The following SAMD5 variants were observed in gnomAD, a reference collection of about 807,000 sequenced individuals.
SAMD5 encodes sterile alpha motif domain containing 5.
Under a neutral mutation model 11.3 loss-of-function variants are expected in SAMD5, and 13 were observed. The observed-to-expected ratio is 1.15, with a 90% CI of 0.75 to 1.83. The LOEUF (loss-of-function observed/expected upper bound fraction) is 1.83. SAMD5 is among the 40% of genes most tolerant of loss of function. SAMD5 has a pLI of 0.00. For synonymous variants in SAMD5, 129 were observed against 111.3 expected (o/e 1.16, Z -1.00); for missense variants, 255 against 239.1 (o/e 1.07, Z -0.44).
At chr6:147,648,139 A>G (rs1790432139) in intron 1 of SAMD5, among the ~76,000 whole-genome samples, 1 of 152,220 alleles carries the variant, frequency 6.6e-6, no homozygotes, top group Non-Finnish European at 1.5e-5. Context: ...ACTGCTATAA[A>G]GACCTCCTGA....
intron 1 of SAMD5, among the ~76,000 whole-genome samples, chr6:147,710,549 G>A (rs749049822): frequency 1.4e-4 from 21 of 152,096 alleles, no homozygotes; most frequent in African/African-American, 3.9e-4. Context: ...ACTCCGTTAC[G>A]GTTATCAGAT....
At chr6:147,936,369 G>A in the SAMD5 span, among the ~76,000 whole-genome samples, 1 of 151,914 alleles carries the variant, frequency 6.6e-6, no homozygotes, top group African/African-American at 2.4e-5. Context: ...GGAGGCCTCA[G>A]GAAGCTTACA....
At chr6:147,632,185 C>T (rs1014301301) in intron 1 of SAMD5, among the ~76,000 whole-genome samples, 1 of 152,104 alleles carries the variant, frequency 6.6e-6, no homozygotes, top group Non-Finnish European at 1.5e-5. Context: ...GGATCTGATG[C>T]CTTTTGATGG....
the SAMD5 span, among the ~76,000 whole-genome samples, chr6:147,894,375 G>A: frequency 0.16 from 24,879 of 151,934 alleles, 2,552 homozygotes; most frequent in Non-Finnish European, 0.23. Flanking sequence ...GCCTGCATCG[G>A]CCTCCCAAAG....
the SAMD5 span, among the ~76,000 whole-genome samples, chr6:147,794,814 A>G: frequency 6.6e-6 from 1 of 152,024 alleles, no homozygotes; most frequent in Non-Finnish European, 1.5e-5. Flanking sequence ...CCCTTTTAAC[A>G]GGTCATTATA....
the SAMD5 span, among the ~76,000 whole-genome samples, chr6:147,919,138 C>T: frequency 6.6e-6 from 1 of 152,120 alleles, no homozygotes; most frequent in African/African-American, 2.4e-5. Context: ...GTAGTTTACA[C>T]GCTTGTCACT....
At chr6:147,742,984 GT>G in the SAMD5 span, among the ~76,000 whole-genome samples, 2 of 152,126 alleles carry the variant, frequency 1.3e-5, no homozygotes, top group African/African-American at 4.8e-5. Flanking sequence ...GAAGGTGATT[GT>G]TCTCTAAATT....
At chr6:147,822,075 G>A in the SAMD5 span, among the ~76,000 whole-genome samples, 1 of 152,140 alleles carries the variant, frequency 6.6e-6, no homozygotes, top group African/African-American at 2.4e-5. Context: ...AACTAGGTAT[G>A]AACACCTGTA....
the SAMD5 span, among the ~76,000 whole-genome samples, chr6:147,849,798 G>T: frequency 2.0e-5 from 3 of 152,222 alleles, no homozygotes; most frequent in African/African-American, 7.2e-5. Flanking sequence ...CAGAACCTGG[G>T]CTGGAGGCGA....
chr6:147,531,497 C>G (rs1364907122), intron 1 of SAMD5, among the ~76,000 whole-genome samples: 1 of 152,158 alleles, frequency 6.6e-6, no homozygotes, highest in African/African-American at 2.4e-5. Flanking sequence ...CTGCCCCAGG[C>G]CCGGCATAAT....
At chr6:147,780,602 C>A in the SAMD5 span, among the ~76,000 whole-genome samples, 1 of 152,122 alleles carries the variant, frequency 6.6e-6, no homozygotes, top group Non-Finnish European at 1.5e-5. Context: ...AAAACCAAAG[C>A]ATTTGACTCA....
intron 1 of SAMD5, among the ~76,000 whole-genome samples, chr6:147,593,825 G>C (rs371396184): frequency 1.3e-5 from 2 of 152,058 alleles, no homozygotes; most frequent in African/African-American, 2.4e-5. Context: ...CCCCATGAAA[G>C]TAAAATAAAA....
At chr6:147,919,188 T>G in the SAMD5 span, among the ~76,000 whole-genome samples, 3 of 152,126 alleles carry the variant, frequency 2.0e-5, no homozygotes, top group African/African-American at 7.2e-5. Flanking sequence ...AAAAAAGGCA[T>G]AGCACTTTAA....
chr6:147,662,685 T>G (rs1279025697), intron 1 of SAMD5, among the ~76,000 whole-genome samples: 1 of 152,162 alleles, frequency 6.6e-6, no homozygotes, highest in Non-Finnish European at 1.5e-5. Context: ...ATGAAAAGCC[T>G]TGGGGTAAAT....
At chr6:147,936,239 A>T in the SAMD5 span, among the ~76,000 whole-genome samples, 6 of 152,184 alleles carry the variant, frequency 3.9e-5, no homozygotes, top group Admixed American at 3.9e-4. Context: ...TTAGTAGGCC[A>T]TTCTTGCATT....
At chr6:147,925,541 A>G in the SAMD5 span, among the ~76,000 whole-genome samples, 3 of 151,834 alleles carry the variant, frequency 2.0e-5, no homozygotes, top group African/African-American at 7.3e-5. Context: ...TGTCTAATCT[A>G]TTAGTATTCC....
the SAMD5 span, among the ~76,000 whole-genome samples, chr6:147,773,404 G>C: frequency 6.6e-6 from 1 of 152,158 alleles, no homozygotes; most frequent in Non-Finnish European, 1.5e-5. Flanking sequence ...GGAGAAAAGA[G>C]GATGGCCAAG....
chr6:147,715,124 A>G (rs1380030134), intron 1 of SAMD5, among the ~76,000 whole-genome samples: 2 of 152,142 alleles, frequency 1.3e-5, no homozygotes, highest in Admixed American at 1.3e-4. Flanking sequence ...TTCTAGCTGG[A>G]AAGTTCTGTG....
At chr6:147,616,532 T>C (rs1258163083) in intron 1 of SAMD5, among the ~76,000 whole-genome samples, 1 of 152,090 alleles carries the variant, frequency 6.6e-6, no homozygotes, top group Non-Finnish European at 1.5e-5. Flanking sequence ...TATGATACTT[T>C]CAGAATATTA....
Sources: gnomAD v4.1 joint callset for allele counts (sites outside exome capture counted in the v4.1 genomes callset) on GRCh38, gnomAD v4.1.1 for gene constraint, MANE v1.5 for transcripts, NCBI Gene and HGNC (gene_info 2026-07-23, HGNC 2026-07-21) for gene names.